RIMBP2: variants seen among roughly 807,000 people sequenced by gnomAD.
RIMBP2 encodes RIMS-binding protein 2.
A neutral mutation model predicts 118.6 loss-of-function variants in RIMBP2; 48 were observed. The observed-to-expected ratio is 0.40, with a 90% CI of 0.32 to 0.51. The LOEUF (loss-of-function observed/expected upper bound fraction) is 0.51. RIMBP2 is among the 20% of genes least tolerant of loss of function. The pLI, the probability that RIMBP2 is intolerant of heterozygous loss-of-function variation, is 0.41. For synonymous variants in RIMBP2, 762 were observed against 742.9 expected (o/e 1.03, Z -0.42); for missense variants, 1,551 against 1,768.3 (o/e 0.88, Z 2.20).
chr12:130,444,554 T>C (rs1158101646), intron 10 of RIMBP2, among the ~76,000 whole-genome samples: 1 of 152,216 alleles, frequency 6.6e-6, no homozygotes, highest in Non-Finnish European at 1.5e-5. Context: ...CGTTGATTTA[T>C]GGGCTGCTGG....
At chr12:130,461,558 C>T (rs2079994829) in intron 6 of RIMBP2, among the ~76,000 whole-genome samples, 3 of 152,256 alleles carry the variant, frequency 2.0e-5, no homozygotes, top group African/African-American at 7.2e-5. Context: ...AGGGCGTCGT[C>T]CCCTCCACAT....
intron 1 of RIMBP2, among the ~76,000 whole-genome samples, chr12:130,659,572 CA>C (rs35240766): frequency 0.61 from 85,351 of 140,666 alleles, 25,081 homozygotes; most frequent in Middle Eastern, 0.68. Context: ...CTGTCTCAAA[CA>C]AAAAAAAAAA....
chr12:130,597,666 C>T (rs192041305), intron 2 of RIMBP2, among the ~76,000 whole-genome samples: 112 of 152,314 alleles, frequency 7.4e-4, no homozygotes, highest in African/African-American at 2.5e-3. Flanking sequence ...GACGTGCACA[C>T]GAAAGTATCT....
At chr12:130,631,756 T>C (rs565753504) in intron 1 of RIMBP2, among the ~76,000 whole-genome samples, 4 of 152,254 alleles carry the variant, frequency 2.6e-5, no homozygotes, top group East Asian at 1.9e-4. Context: ...ACTAAAAGTA[T>C]TGAAAGTGGG....
intron 17 of RIMBP2, among the ~76,000 whole-genome samples, chr12:130,415,457 G>A (rs2076042404): frequency 6.6e-6 from 1 of 152,172 alleles, no homozygotes; most frequent in Non-Finnish European, 1.5e-5. Context: ...TATTGAACAG[G>A]CAAAGGCTGG....
intron 4 of RIMBP2, among the ~76,000 whole-genome samples, chr12:130,484,430 G>T (rs997535263): frequency 1.3e-5 from 2 of 152,144 alleles, no homozygotes; most frequent in African/African-American, 4.8e-5. Context: ...CCTGGTGGCC[G>T]CCCGGCCCCT....
chr12:130,608,547 G>A (rs560923594), intron 2 of RIMBP2, among the ~76,000 whole-genome samples: 2 of 152,202 alleles, frequency 1.3e-5, no homozygotes, highest in Non-Finnish European at 2.9e-5. Context: ...GCTTCCCCAG[G>A]TCAGGAGCTG....
chr12:130,546,904 C>G (rs897339991), intron 2 of RIMBP2, among the ~76,000 whole-genome samples: 2 of 152,196 alleles, frequency 1.3e-5, no homozygotes, highest in African/African-American at 2.4e-5. Flanking sequence ...TGTAGTTTCA[C>G]TTGATGGAAT....
At chr12:130,491,732 G>T (rs1031731490) in intron 4 of RIMBP2, among the ~76,000 whole-genome samples, 2 of 152,180 alleles carry the variant, frequency 1.3e-5, no homozygotes, top group African/African-American at 4.8e-5. Context: ...CCGCCTCCCC[G>T]CGCAGAGACC....
intron 2 of RIMBP2, among the ~76,000 whole-genome samples, chr12:130,521,436 T>TG (rs779649569): frequency 2.6e-5 from 4 of 152,002 alleles, no homozygotes; most frequent in South Asian, 2.1e-4. Flanking sequence ...ATTGGGGGTG[T>TG]GGGGGGTCTA....
rs181130734 is a variant in RIMBP2 at position 130,453,573 on chromosome 12, C to T, written c.359-2233G>A. Among the ~76,000 whole-genome samples, 6 of 152,334 alleles carry T rather than the reference C, an allele frequency of 3.9e-5. No homozygotes were observed. In the East Asian group the frequency reaches 9.6e-4, roughly 24 times the overall value. ...AGGACTCTCTGCTACGTGGAGTAAC[C>T]CAGGCACAGAGATACAAACATGGCA... On this transcript the variant is annotated intron_variant, in intron 7 of 22. Transcript: ENST00000690449.
chr12:130,697,817 A>G (rs891144237), intron 1 of RIMBP2, among the ~76,000 whole-genome samples: 1 of 152,220 alleles, frequency 6.6e-6, no homozygotes, highest in Non-Finnish European at 1.5e-5. Context: ...GCAAGACCCC[A>G]TCTCTTTAAA....
At chr12:130,535,702 TAC>T (rs1362826857) in intron 2 of RIMBP2, among the ~76,000 whole-genome samples, 1 of 143,890 alleles carries the variant, frequency 6.9e-6, no homozygotes, top group Non-Finnish European at 1.5e-5. Flanking sequence ...TACATATATA[TAC>T]ACATATACAT....
chr12:130,507,328 C>A (rs1252114886), intron 3 of RIMBP2, among the ~76,000 whole-genome samples: 2 of 152,214 alleles, frequency 1.3e-5, no homozygotes, highest in Non-Finnish European at 2.9e-5. Flanking sequence ...CCAAATCAAG[C>A]TGAGCCTGAA....
Position 130,576,181 on chromosome 12 carries a change from C to A in RIMBP2, c.-217+52141G>T, listed in dbSNP as rs910081017. Among the ~76,000 whole-genome samples, 6 of 152,128 alleles carry A rather than the reference C, an allele frequency of 3.9e-5. No individual in the cohort carries two copies. The highest frequency in any genetic ancestry group is 7.3e-5 in the Non-Finnish European group (5 of 68,030). ...CGTACCTTGTAGGCCACGGTAGGAACCTTGCTTTGTATCCTGAGCATGAGA... is the reference window on the plus strand; with the variant it reads ...CGTACCTTGTAGGCCACGGTAGGAAACTTGCTTTGTATCCTGAGCATGAGA... On this transcript the variant is annotated intron_variant, in intron 2 of 22. Transcript: ENST00000690449. This position sits in a 1 kb window ranked among gnomAD's most constrained non-coding sequence, Gnocchi z 4.2.
chr12:130,582,447 T>C (rs2058542164), intron 2 of RIMBP2, among the ~76,000 whole-genome samples: 1 of 152,186 alleles, frequency 6.6e-6, no homozygotes. Context: ...TTCCAGCCCA[T>C]GCTCTTCCTG....
At position 130,438,429 on chromosome 12, in the gene RIMBP2, G is replaced by A. The variant is rs755352610; in HGVS notation, c.1592C>T (p.Thr531Met). 25 of 1,613,594 alleles carry A rather than the reference G, an allele frequency of 1.5e-5. No individual in the cohort carries two copies. The highest frequency in any genetic ancestry group is 1.1e-4 in the African/African-American group (8 of 74,838). ...IRVSWRPPVLTPTGLSNGANV... is the reference protein window; with the variant it reads ...IRVSWRPPVLMPTGLSNGANV... ...TGCGCCATTGGACAGCCCGGTGGGCGTCAGCACAGGTGGTCTCCAGGAGAC... is the reference window on the plus strand; with the variant it reads ...TGCGCCATTGGACAGCCCGGTGGGCATCAGCACAGGTGGTCTCCAGGAGAC... The change falls in exon 12 of 23, where the codon ACG becomes ATG. Residue 531 changes from threonine to methionine, a missense_variant. This residue lies in a region of RIMBP2 where 1,038 missense variants were observed against 1,125.1 expected (regional missense o/e 0.92). Transcript: ENST00000690449.
chr12:130,501,826 G>A (rs972274876), intron 4 of RIMBP2, among the ~76,000 whole-genome samples: 6 of 152,218 alleles, frequency 3.9e-5, no homozygotes, highest in Admixed American at 3.3e-4. Context: ...CCTGGGCAAA[G>A]CCAAGAACCC....
chr12:130,687,265 A>G (rs1189915042), intron 1 of RIMBP2, among the ~76,000 whole-genome samples: 1 of 152,204 alleles, frequency 6.6e-6, no homozygotes. Flanking sequence ...ATCGCTGTCT[A>G]TAAGCAGAAT....
Sources: allele counts gnomAD v4.1 joint callset (sites outside exome capture counted in the v4.1 genomes callset), GRCh38; gene constraint gnomAD v4.1.1; regional missense constraint gnomAD v4.1.1; non-coding constraint Gnocchi (gnomAD v3.1); transcripts MANE v1.5; gene names NCBI Gene and HGNC (gene_info 2026-07-23, HGNC 2026-07-21).